Variants in MEIKIN observed in about 807,000 individuals in gnomAD.
MEIKIN encodes meiotic kinetochore factor.
chr5:131,899,415 G>A (rs1162790581), intron 8 of MEIKIN, among the ~76,000 whole-genome samples: 2 of 151,342 alleles, frequency 1.3e-5, no homozygotes, highest in African/African-American at 4.9e-5. Context: ...AAAAAGGAAA[G>A]AAAGAAGGCC....
At chr5:131,902,103 T>C (rs562003051) in intron 8 of MEIKIN, among the ~76,000 whole-genome samples, 26 of 152,318 alleles carry the variant, frequency 1.7e-4, no homozygotes, top group Admixed American at 1.6e-3. Flanking sequence ...CCATGTGAAG[T>C]GCCAGCTCCC....
At chr5:131,905,964 C>A (rs1467759429) in intron 8 of MEIKIN, among the ~76,000 whole-genome samples, 2 of 152,110 alleles carry the variant, frequency 1.3e-5, no homozygotes, top group Non-Finnish European at 2.9e-5. Flanking sequence ...GGACAAAGGA[C>A]ATGGCAAAGA....
chr5:131,808,319 C>T (rs901908200), intron 12 of MEIKIN, among the ~76,000 whole-genome samples: 2 of 152,202 alleles, frequency 1.3e-5, no homozygotes, highest in African/African-American at 2.4e-5. Flanking sequence ...TATCTTATCT[C>T]ACCTACCCTT....
At chr5:131,910,900 A>T (rs751555112) in intron 8 of MEIKIN, among the ~76,000 whole-genome samples, 10 of 152,124 alleles carry the variant, frequency 6.6e-5, no homozygotes, top group Non-Finnish European at 1.0e-4. Flanking sequence ...TATTTTCCAC[A>T]GCTAAAGCAA....
intron 6 of MEIKIN, among the ~76,000 whole-genome samples, chr5:131,921,560 G>C (rs901205603): frequency 1.3e-5 from 2 of 151,644 alleles, no homozygotes; most frequent in Non-Finnish European, 1.5e-5. Context: ...GGGAGGCTGA[G>C]GCAGGAGAAC....
chr5:131,843,190 C>G (rs1749948725), intron 11 of MEIKIN, among the ~76,000 whole-genome samples: 1 of 152,252 alleles, frequency 6.6e-6, no homozygotes, highest in African/African-American at 2.4e-5. Flanking sequence ...TCCAGAAAAC[C>G]ATTTTTCCCT....
At chr5:131,835,918 G>C (rs1481470770) in intron 11 of MEIKIN, among the ~76,000 whole-genome samples, 1 of 152,076 alleles carries the variant, frequency 6.6e-6, no homozygotes, top group Non-Finnish European at 1.5e-5. Context: ...TAACTTTTAA[G>C]TTCAGGAGTA....
At chr5:131,913,534 G>A (rs780065381) in intron 7 of MEIKIN, among the ~76,000 whole-genome samples, 2 of 152,078 alleles carry the variant, frequency 1.3e-5, no homozygotes, top group Non-Finnish European at 2.9e-5. Flanking sequence ...AAGACTCCTC[G>A]CTCCATGTGA....
intron 7 of MEIKIN, among the ~76,000 whole-genome samples, chr5:131,914,240 C>T (rs1004131263): frequency 7.9e-5 from 12 of 151,968 alleles, no homozygotes; most frequent in African/African-American, 2.9e-4. Context: ...AATTCCTAGC[C>T]AGGCATGGTG....
chr5:131,875,373 A>G (rs950783894), intron 9 of MEIKIN, among the ~76,000 whole-genome samples: 5 of 152,234 alleles, frequency 3.3e-5, no homozygotes, highest in Non-Finnish European at 4.4e-5. Context: ...GAGCCAAATC[A>G]TGAGTGAACT....
chr5:131,875,250 T>G (rs915093647), intron 9 of MEIKIN, among the ~76,000 whole-genome samples: 1 of 152,180 alleles, frequency 6.6e-6, no homozygotes, highest in Non-Finnish European at 1.5e-5. Flanking sequence ...AAACCCCATC[T>G]TCTCAGCCCA....
At chr5:131,888,073 T>C (rs1360372696) in intron 8 of MEIKIN, among the ~76,000 whole-genome samples, 1 of 145,542 alleles carries the variant, frequency 6.9e-6, no homozygotes, top group Non-Finnish European at 1.5e-5. Flanking sequence ...TATTCCATGG[T>C]ATATATGCGC....
intron 9 of MEIKIN, among the ~76,000 whole-genome samples, chr5:131,871,931 G>C (rs1750510421): frequency 1.3e-5 from 2 of 152,180 alleles, no homozygotes; most frequent in Non-Finnish European, 2.9e-5. Context: ...ACCTGCAGCT[G>C]AGGGTCCTGA....
Position 131,826,266 on chromosome 5 carries a change from C to T in MEIKIN, c.976-7403G>A, listed in dbSNP as rs553942411. On this transcript the variant is annotated intron_variant, in intron 11 of 12. Coordinates refer to ENST00000442687, the MANE Select transcript of MEIKIN (RefSeq NM_001303622.2). Reference sequence around the variant, plus strand: ...CAAAATGAAGAAAAATGATCTGAGACGGTTGTCCTAAGAGGCAAGAATAAA... The same window carrying T: ...CAAAATGAAGAAAAATGATCTGAGATGGTTGTCCTAAGAGGCAAGAATAAA... Among the ~76,000 whole-genome samples, 21 of 151,346 alleles carry T rather than the reference C, an allele frequency of 1.4e-4. No homozygotes were observed. The East Asian group carries it at 1.7e-3, about 13-fold the overall frequency.
chr5:131,894,386 T>TC (rs529564748), intron 8 of MEIKIN, among the ~76,000 whole-genome samples: 141 of 152,332 alleles, frequency 9.3e-4, no homozygotes, highest in African/African-American at 3.1e-3. Flanking sequence ...ATGCAGGCTC[T>TC]TTTTTGGTTC....
intron 11 of MEIKIN, among the ~76,000 whole-genome samples, chr5:131,830,259 T>C (rs1331547842): frequency 3.3e-4 from 50 of 151,756 alleles, no homozygotes; most frequent in Admixed American, 3.3e-3. Flanking sequence ...TATCCAGGTG[T>C]GCTGACACAT....
At chr5:131,872,536 A>G (rs374883770) in intron 9 of MEIKIN, among the ~76,000 whole-genome samples, 6 of 152,262 alleles carry the variant, frequency 3.9e-5, no homozygotes, top group African/African-American at 1.4e-4. Context: ...TGTACCTGAA[A>G]GTGACGGGGA....
intron 8 of MEIKIN, among the ~76,000 whole-genome samples, chr5:131,907,291 C>G (rs991575083): frequency 3.3e-5 from 5 of 150,584 alleles, no homozygotes; most frequent in African/African-American, 1.2e-4. Context: ...TAAAAAAGAG[C>G]AAACCAAACC....
intron 8 of MEIKIN, among the ~76,000 whole-genome samples, chr5:131,883,466 A>G (rs1580888629): frequency 1.3e-5 from 2 of 152,344 alleles, no homozygotes; most frequent in East Asian, 3.9e-4. Context: ...GTTTATCTCT[A>G]TTACTAGACC....
Sources: allele counts gnomAD v4.1 joint callset (sites outside exome capture counted in the v4.1 genomes callset), GRCh38; gene constraint gnomAD v4.1.1; transcripts MANE v1.5; gene names NCBI Gene and HGNC (gene_info 2026-07-23, HGNC 2026-07-21).